The following ACSM3 variants were observed in gnomAD, a reference collection of about 807,000 sequenced individuals.
ACSM3 encodes the protein acyl-coenzyme A synthetase ACSM3, mitochondrial.
Under a neutral mutation model 74.1 loss-of-function variants are expected in ACSM3, and 61 were observed. The observed-to-expected ratio is 0.82, with a 90% CI of 0.67 to 1.02. The LOEUF (loss-of-function observed/expected upper bound fraction) is 1.02. Among genes scored for constraint, ACSM3 ranks in the 50% least tolerant of loss-of-function variants. The pLI is 0.00. For missense variants in ACSM3, 660 were observed against 697.0 expected (o/e 0.95, Z 0.60); for synonymous variants, 213 against 241.5 (o/e 0.88, Z 1.09).
intron 1 of ACSM3, chr16:20,728,572 T>A: frequency 2.1e-6 from 1 of 481,276 alleles, no homozygotes; most frequent in Middle Eastern, 3.8e-4. Context: ...CTATGTAACC[T>A]CAGGCAAGCA....
chr16:20,784,705 C>T (rs1170001589), intron 7 of ACSM3: 3 of 174,372 alleles, frequency 1.7e-5, no homozygotes, highest in Non-Finnish European at 3.6e-5. Flanking sequence ...ATTATACCTC[C>T]ACCACAAAAA....
intron 12 of ACSM3, 102 bp downstream of exon 12, chr16:20,792,437 A>T (rs1175532470): frequency 6.4e-7 from 1 of 1,562,220 alleles, no homozygotes; most frequent in Non-Finnish European, 8.7e-7. Context: ...TGATTCATTT[A>T]CTAAATATGC....
At chr16:20,796,603 C>A in intron 13 of ACSM3, 114 bp downstream of exon 13, 1 of 1,548,484 alleles carries the variant, frequency 6.5e-7, no homozygotes, top group Non-Finnish European at 8.6e-7. Context: ...ATGTCCCAAA[C>A]TGAACTGATG....
chr16:20,792,149 G>A lies in ACSM3; in HGVS notation c.1454+20G>A. The A allele has an allele frequency of 7.4e-6, 12 of 1,614,076 alleles. No homozygotes were observed. The highest frequency in any genetic ancestry group is 1.0e-5 in the Non-Finnish European group (12 of 1,179,964). Reference sequence around the variant, plus strand: ...CTCTGGGTAACTTTCTTTTCCATATGTGCATATGTCTGTGTTAACTGATCA... The same window carrying A: ...CTCTGGGTAACTTTCTTTTCCATATATGCATATGTCTGTGTTAACTGATCA... On this transcript the variant is annotated intron_variant, in intron 11 of 13. Coordinates refer to ENST00000289416, the MANE Select transcript of ACSM3 (RefSeq NM_005622.4).
At chr16:20,708,456 T>C (rs2079733996) in intron 1 of ACSM3, among the ~76,000 whole-genome samples, 1 of 152,174 alleles carries the variant, frequency 6.6e-6, no homozygotes, top group African/African-American at 2.4e-5. Context: ...AAAACCAACG[T>C]ACAAAAATTA....
Position 20,775,840 on chromosome 16 carries a change from C to A in ACSM3, c.221C>A (p.Ala74Asp). The part of the protein sequence containing the change: ...VLDQWTDKEK[A>D]GKKPSNPAFW... ...AATGACTGGTTTTTCTTTCCTCAGGCTGGAAAGAAACCTTCAAATCCAGCC... is the reference window on the plus strand; with the variant it reads ...AATGACTGGTTTTTCTTTCCTCAGGATGGAAAGAAACCTTCAAATCCAGCC... Residue 74 changes from alanine to aspartate, a missense_variant and splice_region_variant, in exon 3 of 14, where the codon GCT (alanine) becomes GAT (aspartate). Coordinates refer to ENST00000289416, the MANE Select transcript of ACSM3 (RefSeq NM_005622.4). 1 of 1,614,000 alleles carries A rather than the reference C, an allele frequency of 6.2e-7. No individual in the cohort carries two copies. Among genetic ancestry groups the A allele is most frequent in the Non-Finnish European group, 8.5e-7 (1 of 1,179,872 alleles).
At chr16:20,685,041 G>A (rs2079521218) in intron 1 of ACSM3, 1 of 721,654 alleles carries the variant, frequency 1.4e-6, no homozygotes, top group African/African-American at 1.8e-5. Context: ...CCACAGGGCA[G>A]GAAGCCTTGC....
At chr16:20,766,997 C>A (rs562967089) in intron 1 of ACSM3, among the ~76,000 whole-genome samples, 1 of 151,938 alleles carries the variant, frequency 6.6e-6, no homozygotes, top group Non-Finnish European at 1.5e-5. Context: ...GGAGTGAGAG[C>A]AAAGTGGGCA....
Position 20,790,895 on chromosome 16 carries a change from TCAC to T in ACSM3, c.1326+208_1326+210del. On this transcript the variant is annotated intron_variant, in intron 10 of 13. Transcript: ENST00000289416. This position sits in a 1 kb window ranked among gnomAD's most constrained non-coding sequence, Gnocchi z 4.0. ...AGCATGCTGGTCCCCTGAGGCCAGA[TCAC>T]TGTTCCAGGTCCACGAAGGCAAGAG... 1 of 1,614,118 alleles carries T rather than the reference TCAC, an allele frequency of 6.2e-7. No individual in the cohort carries two copies. The highest frequency in any genetic ancestry group is 8.5e-7 in the Non-Finnish European group (1 of 1,179,980).
intron 2 of ACSM3, among the ~76,000 whole-genome samples, chr16:20,750,741 A>G (rs2079982783): frequency 6.6e-6 from 1 of 151,972 alleles, no homozygotes; most frequent in Non-Finnish European, 1.5e-5. Context: ...TATTCTTGTT[A>G]CAACTTTATT....
chr16:20,756,204 G>A (rs1417328967), intron 3 of ACSM3, among the ~76,000 whole-genome samples: 1 of 151,622 alleles, frequency 6.6e-6, no homozygotes, highest in Admixed American at 6.6e-5. Context: ...CTGAGGAATC[G>A]CCACACTGAC....
intron 1 of ACSM3, among the ~76,000 whole-genome samples, chr16:20,686,699 A>G (rs1461491225): frequency 1.3e-5 from 2 of 152,108 alleles, no homozygotes; most frequent in Non-Finnish European, 2.9e-5. Context: ...CTGTGGTCCC[A>G]GCTACTTGGG....
In ACSM3 at chr16:20,771,369, T is replaced by TC. The variant is rs1264327427; in HGVS notation, c.219+1118dup. ...AGCCACCCACCACGCCAGGCCGAGC[T>TC]CCTTTTTTTTTTTTTTTTTTTTTTT... On this transcript the variant is annotated intron_variant, in intron 2 of 13. Transcript: ENST00000289416. Among the ~76,000 whole-genome samples, 41 of 110,282 alleles carry TC rather than the reference T, an allele frequency of 3.7e-4. No individual in the cohort carries two copies. The South Asian group carries it at 0.012, about 33-fold the overall frequency. 72.3% of individuals were successfully genotyped at this position (110,282 alleles called of 152,430 possible).
In ACSM3 at chr16:20,741,810, C is replaced by A. The variant is rs1341255010; in HGVS notation, c.-189-8100C>A. 3 of 1,543,110 alleles carry A rather than the reference C, an allele frequency of 1.9e-6. No individual in the cohort carries two copies. The East Asian group carries it at 7.3e-5, about 38-fold the overall frequency. Reference sequence around the variant, plus strand: ...TTGGCGTCCTCGTCTATCGCCGGCGCGAACTGGTGACGTCGGATATGAGCG... The same window carrying A: ...TTGGCGTCCTCGTCTATCGCCGGCGAGAACTGGTGACGTCGGATATGAGCG... On this transcript the variant is annotated intron_variant, in intron 1 of 3. Coordinates refer to the ACSM3 transcript ENST00000561584.
intron 1 of ACSM3, among the ~76,000 whole-genome samples, chr16:20,733,270 A>G (rs932895227): frequency 6.6e-6 from 1 of 152,170 alleles, no homozygotes; most frequent in East Asian, 1.9e-4. Context: ...ATGAATCTGT[A>G]TTTCATCTAT....
In ACSM3 at chr16:20,786,134, A is replaced by G; in HGVS notation, c.1200A>G (p.Lys400=). 6.2e-7 allele frequency: 1 copy of G among 1,608,008 alleles called. No individual in the cohort carries two copies. The highest frequency in any genetic ancestry group is 8.5e-7 in the Non-Finnish European group (1 of 1,177,562). ...GMKIKPGSMG[K]PSPAFDVKIV... is the part of the protein sequence containing the mutation. ...AAATTAAACCTGGCTCAATGGGAAA[A>G]CCTTCTCCTGCTTTCGATGTTAAGG... The change falls in exon 9 of 14, where the codon AAA becomes AAG. Residue 400 remains lysine, a synonymous_variant. Transcript: ENST00000289416.
Position 20,792,238 on chromosome 16 carries a change from A to G in ACSM3, c.1457A>G (p.Tyr486Cys), listed in dbSNP as rs1321299340. 9.3e-6 allele frequency: 15 copies of G among 1,614,092 alleles called. No homozygotes were observed. The highest frequency in any genetic ancestry group is 1.3e-5 in the Non-Finnish European group (15 of 1,179,974). ...ATTCCTGCCATATGTGTTTCTAGCT[A>G]TCGAATTGGACCATTTGAGGTAGAA... ...RADDVILSSG[Y>C]RIGPFEVENA... The change falls in exon 12 of 14, where the codon TAT (tyrosine) becomes TGT (cysteine). Residue 486 changes from tyrosine (Y) to cysteine (C), a missense_variant and splice_region_variant. By Grantham distance (194) the Tyr-to-Cys change is radical (BLOSUM62 -2). Coordinates refer to ENST00000289416, the MANE Select transcript of ACSM3 (RefSeq NM_005622.4).
At chr16:20,706,208 C>T (rs1335608216) in intron 1 of ACSM3, among the ~76,000 whole-genome samples, 2 of 149,380 alleles carry the variant, frequency 1.3e-5, no homozygotes, top group East Asian at 3.9e-4. Context: ...TTTACAGATC[C>T]AAGAATATTA....
chr16:20,729,243 A>C, intron 1 of ACSM3: 2 of 1,022,130 alleles, frequency 2.0e-6, no homozygotes, highest in South Asian at 2.6e-5. Context: ...AGTCCAGAGA[A>C]AACTGCTGCC....
Sources: allele counts gnomAD v4.1 joint callset (sites outside exome capture counted in the v4.1 genomes callset), GRCh38; gene constraint gnomAD v4.1.1; non-coding constraint Gnocchi (gnomAD v3.1); transcripts MANE v1.5; gene names NCBI Gene and HGNC (gene_info 2026-07-23, HGNC 2026-07-21).